Variants in CNOT4 observed in about 807,000 individuals in gnomAD.
The protein encoded by CNOT4 is CCR4-NOT transcription complex subunit 4, also known as CCR4-associated factor 4.
CNOT4 carries 8 observed loss-of-function variants against 73.8 expected under a neutral mutation model. The observed-to-expected ratio is 0.11, with a 90% confidence interval of 0.06 to 0.20. CNOT4 has a LOEUF of 0.20. CNOT4 is among the 10% of genes least tolerant of loss of function. CNOT4 has a pLI of 1.00. For missense variants in CNOT4, 564 were observed against 883.4 expected (o/e 0.64, Z 4.58); for synonymous variants, 293 against 321.1 (o/e 0.91, Z 0.94).
chr7:135,456,005 T>G (rs996551940), intron 1 of CNOT4, among the ~76,000 whole-genome samples: 4 of 152,220 alleles, frequency 2.6e-5, no homozygotes, highest in Non-Finnish European at 5.9e-5. Flanking sequence ...CATTTAAAAA[T>G]GTAACATTGA....
intron 1 of CNOT4, among the ~76,000 whole-genome samples, chr7:135,462,541 A>G (rs1005418309): frequency 1.3e-5 from 2 of 152,228 alleles, no homozygotes; most frequent in Non-Finnish European, 2.9e-5. Context: ...CCTTACTCTC[A>G]CAGGAAACTC....
At chr7:135,502,450 A>C (rs907086456) in intron 1 of CNOT4, among the ~76,000 whole-genome samples, 2 of 152,230 alleles carry the variant, frequency 1.3e-5, no homozygotes, top group Admixed American at 1.3e-4. Flanking sequence ...AGTATTCTTG[A>C]CAAGATAAAC....
intron 10 of CNOT4, chr7:135,386,184 G>T (rs1393753461): frequency 6.7e-6 from 1 of 148,998 alleles, no homozygotes; most frequent in Admixed American, 6.7e-5. Context: ...GGGAGAAGGG[G>T]ATCACCAAAT....
At chr7:135,425,043 C>T (rs565577883) in intron 2 of CNOT4, among the ~76,000 whole-genome samples, 2 of 152,336 alleles carry the variant, frequency 1.3e-5, no homozygotes, top group African/African-American at 4.8e-5. Flanking sequence ...TCAGGTCCAT[C>T]ACCAGTGGAC....
chr7:135,377,306 T>C (rs1310290217), intron 10 of CNOT4, among the ~76,000 whole-genome samples: 3 of 152,236 alleles, frequency 2.0e-5, no homozygotes, highest in African/African-American at 7.2e-5. Context: ...GTGTTCCACC[T>C]ATTCACCACC....
At chr7:135,465,790 G>A (rs914913705) in intron 1 of CNOT4, among the ~76,000 whole-genome samples, 2 of 151,914 alleles carry the variant, frequency 1.3e-5, no homozygotes, top group Non-Finnish European at 2.9e-5. Context: ...GCTCATGCCT[G>A]TAATCCCAGC....
At chr7:135,467,023 G>A (rs1045617316) in intron 1 of CNOT4, among the ~76,000 whole-genome samples, 3 of 152,214 alleles carry the variant, frequency 2.0e-5, no homozygotes, top group Non-Finnish European at 4.4e-5. Flanking sequence ...TTCTAGGACA[G>A]AGCATTTCAG....
chr7:135,364,996 T>C lies in CNOT4; in HGVS notation c.1628-930A>G, dbSNP rs928228495. Reference sequence around the variant, plus strand: ...TTTGAAAATAGCAATGTAAGTCAAATTACAAACTGGAGTTTTTGAAAAAAG... The same window carrying C: ...TTTGAAAATAGCAATGTAAGTCAAACTACAAACTGGAGTTTTTGAAAAAAG... On this transcript the variant is annotated intron_variant, in intron 10 of 11. Transcript: ENST00000541284. This position sits in a 1 kb window ranked among gnomAD's most constrained non-coding sequence, Gnocchi z 4.3. 1.6e-4 allele frequency among the ~76,000 whole-genome samples: 25 copies of C among 152,338 alleles called. No individual in the cohort carries two copies. The highest frequency in any genetic ancestry group is 5.3e-4 in the African/African-American group (22 of 41,576).
rs759089041 is a variant in CNOT4, at chr7:135,363,827, T to C, written c.1840+27A>G. ...TAAAAACCAAACTGTTGGCAGTCAG[T>C]GTAGCTGAAGGGAGTGAGAAAGTTA... On this transcript the variant is annotated intron_variant, in intron 11 of 11. Coordinates refer to ENST00000541284, the MANE Select transcript of CNOT4 (RefSeq NM_001190850.2). This position sits in a 1 kb window ranked among gnomAD's most constrained non-coding sequence, Gnocchi z 4.3. 17 of 1,552,848 alleles carry C rather than the reference T, an allele frequency of 1.1e-5. No individual in the cohort carries two copies. The African/African-American group carries it at 2.2e-4, about 20-fold the overall frequency.
Position 135,398,231 on chromosome 7 carries a change from A to T in CNOT4, c.822-5T>A. On this transcript the variant is annotated splice_polypyrimidine_tract_variant and splice_region_variant and intron_variant, in intron 7 of 11. Coordinates refer to ENST00000541284, the MANE Select transcript of CNOT4 (RefSeq NM_001190850.2). ...TCTGAAGGTTTGTCAATGGGGCTAT[A>T]AAAAGAAAACAAATTGAATAAAATC... 1 of 1,470,312 alleles carries T rather than the reference A, an allele frequency of 6.8e-7. No homozygotes were observed. The highest frequency in any genetic ancestry group is 1.2e-5 in the South Asian group (1 of 86,554). 91.1% of individuals were successfully genotyped at this position (1,470,312 alleles called of 1,614,324 possible).
chr7:135,446,623 G>T (rs1799849129), intron 1 of CNOT4, among the ~76,000 whole-genome samples: 1 of 151,732 alleles, frequency 6.6e-6, no homozygotes, highest in Non-Finnish European at 1.5e-5. Context: ...CAGTTACACA[G>T]AAATAATACT....
intron 9 of CNOT4, among the ~76,000 whole-genome samples, chr7:135,395,408 A>C (rs796671245): frequency 2.3e-4 from 35 of 152,322 alleles, no homozygotes; most frequent in African/African-American, 7.5e-4. Flanking sequence ...TATTGGGAAA[A>C]CAATATAACC....
At chr7:135,365,390 A>G (rs1231352188) in intron 10 of CNOT4, among the ~76,000 whole-genome samples, 1 of 139,102 alleles carries the variant, frequency 7.2e-6, no homozygotes, top group Non-Finnish European at 1.5e-5. Context: ...TAAACCTCAC[A>G]TTTCTTATAT....
At chr7:135,444,491 C>T in intron 1 of CNOT4, 3 of 839,200 alleles carry the variant, frequency 3.6e-6, no homozygotes, top group Non-Finnish European at 6.3e-6. Flanking sequence ...TTTGCAGTGC[C>T]CAAGGAGGTC....
intron 1 of CNOT4, among the ~76,000 whole-genome samples, chr7:135,485,118 G>A (rs1433241114): frequency 2.0e-5 from 3 of 152,126 alleles, no homozygotes; most frequent in Non-Finnish European, 4.4e-5. Context: ...CTGTCACCAG[G>A]CTGGAGTGCA....
chr7:135,413,178 T>C (rs1383114654), intron 6 of CNOT4, among the ~76,000 whole-genome samples: 1 of 151,970 alleles, frequency 6.6e-6, no homozygotes, highest in Non-Finnish European at 1.5e-5. Context: ...GTCAACTAAG[T>C]TCTGGTTGTA....
intron 1 of CNOT4, among the ~76,000 whole-genome samples, chr7:135,479,215 T>C (rs1802201930): frequency 7.4e-6 from 1 of 135,696 alleles, no homozygotes. Context: ...TTTTTTTTTT[T>C]TTTTTTTTTT....
intron 10 of CNOT4, among the ~76,000 whole-genome samples, chr7:135,370,903 C>G (rs1795169203): frequency 6.6e-6 from 1 of 151,954 alleles, no homozygotes; most frequent in Admixed American, 6.6e-5. Flanking sequence ...TTTCAGATGC[C>G]AAAACACAAG....
chr7:135,480,614 T>C (rs1313750831), intron 1 of CNOT4, among the ~76,000 whole-genome samples: 1 of 152,212 alleles, frequency 6.6e-6, no homozygotes, highest in Non-Finnish European at 1.5e-5. Context: ...TGGAGTGCAG[T>C]GGCATGACAT....
Sources: allele counts gnomAD v4.1 joint callset (sites outside exome capture counted in the v4.1 genomes callset), GRCh38; gene constraint gnomAD v4.1.1; non-coding constraint Gnocchi (gnomAD v3.1); transcripts MANE v1.5; gene names NCBI Gene and HGNC (gene_info 2026-07-23, HGNC 2026-07-21).